AGPAT3: variants seen among roughly 807,000 people sequenced by gnomAD.
AGPAT3 encodes 1-acylglycerol-3-phosphate O-acyltransferase 3, also known as 1-acyl-sn-glycerol-3-phosphate acyltransferase gamma.
Under a neutral mutation model 47.3 loss-of-function variants are expected in AGPAT3, and 5 were observed. The ratio of observed to expected loss-of-function variants is 0.11; its 90% CI spans 0.06 to 0.22. The LOEUF is 0.22. Ranked by LOEUF, AGPAT3 falls within the 10% of genes least tolerant of loss-of-function variation. AGPAT3 has a pLI of 1.00. For missense variants in AGPAT3, 315 were observed against 493.0 expected, an observed-to-expected ratio of 0.64 and a Z score of 3.42; for synonymous variants, 212 against 208.3, an observed-to-expected ratio of 1.02 and a Z score of -0.15.
chr21:43,884,435 G>A (rs1214279960), intron 1 of AGPAT3, among the ~76,000 whole-genome samples: 1 of 152,130 alleles, frequency 6.6e-6, no homozygotes, highest in African/African-American at 2.4e-5. Flanking sequence ...GCGGAGCATG[G>A]CCCTTTCCTA....
chr21:43,923,636 T>A (rs556707087), intron 2 of AGPAT3, among the ~76,000 whole-genome samples: 10 of 152,292 alleles, frequency 6.6e-5, no homozygotes, highest in South Asian at 2.1e-4. Context: ...GTTTGAACAT[T>A]TGCCAGGACA....
chr21:43,958,954 T>C (rs1202314649), intron 2 of AGPAT3, among the ~76,000 whole-genome samples: 3 of 131,278 alleles, frequency 2.3e-5, no homozygotes, highest in Non-Finnish European at 4.8e-5. Context: ...GTGGCGTGTA[T>C]GTGGTTTTGC....
In AGPAT3 at chr21:43,952,608, C is replaced by G. The variant is rs2088252911; in HGVS notation, c.-48-7026C>G. Among the ~76,000 whole-genome samples, 1 of 152,220 alleles carries G rather than the reference C, an allele frequency of 6.6e-6. No individual in the cohort carries two copies. The highest frequency in any genetic ancestry group is 1.5e-5 in the Non-Finnish European group (1 of 68,030). On this transcript the variant is annotated intron_variant, in intron 2 of 9. Coordinates refer to ENST00000291572, the MANE Select transcript of AGPAT3 (RefSeq NM_020132.5). This position sits in a 1 kb window ranked among gnomAD's most constrained non-coding sequence, Gnocchi z 5.6. ...AACCCAAGAAGCAGCCATCACGCCCCAGGACCAAGATGTGCTGGCGCCAGG... is the reference window on the plus strand; with the variant it reads ...AACCCAAGAAGCAGCCATCACGCCCGAGGACCAAGATGTGCTGGCGCCAGG...
intron 2 of AGPAT3, among the ~76,000 whole-genome samples, chr21:43,951,151 C>A (rs890539902): frequency 2.6e-5 from 4 of 151,484 alleles, no homozygotes; most frequent in African/African-American, 7.4e-5. Context: ...TCCCGTGCCA[C>A]CACCTCGCAG....
Position 43,984,795 on chromosome 21 carries a change from T to C in AGPAT3, c.*2403T>C, listed in dbSNP as rs896968261. 1 of 194,056 alleles carries C rather than the reference T, an allele frequency of 5.2e-6. No individual in the cohort carries two copies. The highest frequency in any genetic ancestry group is 2.4e-5 in the African/African-American group (1 of 42,536). The allele number at this position is 194,056 out of a possible 1,614,324, so 12.0% of individuals were successfully genotyped here. A position where few individuals can be genotyped will look rare whatever the true frequency, so the allele number is the denominator to read the frequency against. On this transcript the variant is annotated 3_prime_UTR_variant, in exon 10 of 10. Coordinates refer to ENST00000291572, the MANE Select transcript of AGPAT3 (RefSeq NM_020132.5). The stretch of plus-strand genomic sequence containing the variant: ...ATTCATAAATCCCAGAACAGTCTTT[T>C]TTTTTTCTTTTTCCTTTACACCCTA...
chr21:43,874,548 T>G (rs1169240777), intron 1 of AGPAT3, among the ~76,000 whole-genome samples: 2 of 152,244 alleles, frequency 1.3e-5, no homozygotes, highest in Admixed American at 1.3e-4. Flanking sequence ...ATAGTCTGTA[T>G]AGCACTGAGT....
intron 1 of AGPAT3, among the ~76,000 whole-genome samples, chr21:43,870,030 C>T (rs887069412): frequency 2.0e-5 from 3 of 152,152 alleles, no homozygotes; most frequent in African/African-American, 7.2e-5. Context: ...TGATAATCCA[C>T]AAAAACAAAA....
chr21:43,911,369 T>C (rs757562882), intron 2 of AGPAT3, among the ~76,000 whole-genome samples: 5 of 151,972 alleles, frequency 3.3e-5, no homozygotes, highest in Admixed American at 1.3e-4. Flanking sequence ...GTTTGTGTGA[T>C]TTGGAAAGTG....
intron 2 of AGPAT3, among the ~76,000 whole-genome samples, chr21:43,948,739 T>C (rs1392095952): frequency 6.6e-6 from 1 of 152,266 alleles, no homozygotes; most frequent in Non-Finnish European, 1.5e-5. Context: ...TTTAATTTTG[T>C]ATTTTATTTA....
intron 1 of AGPAT3, among the ~76,000 whole-genome samples, chr21:43,903,526 C>T (rs2086406352): frequency 1.3e-5 from 2 of 152,198 alleles, no homozygotes. Context: ...AAGCCCAGGG[C>T]TGCGGCTGGC....
chr21:43,883,581 G>GT (rs1030356597), intron 1 of AGPAT3, among the ~76,000 whole-genome samples: 7 of 152,030 alleles, frequency 4.6e-5, no homozygotes, highest in Non-Finnish European at 1.0e-4. Context: ...TCAGTATTCC[G>GT]TTTTTTTGTT....
In AGPAT3 at chr21:43,895,536, T is replaced by A. The variant is rs540157007; in HGVS notation, c.-111-8421T>A. Among the ~76,000 whole-genome samples, 130 of 151,906 alleles carry A rather than the reference T, an allele frequency of 8.6e-4. No homozygotes were observed. In the Middle Eastern group the frequency reaches 0.014, roughly 16 times the overall value. ...TTTTTTTTTTTTTTTTTTTTACTATTTCATTCAACATATTTTTGAATTCCT... is the reference window on the plus strand; with the variant it reads ...TTTTTTTTTTTTTTTTTTTTACTATATCATTCAACATATTTTTGAATTCCT... On this transcript the variant is annotated intron_variant, in intron 1 of 9. Transcript: ENST00000291572.
intron 2 of AGPAT3, among the ~76,000 whole-genome samples, chr21:43,911,571 C>G (rs2086634491): frequency 6.6e-6 from 1 of 152,244 alleles, no homozygotes; most frequent in African/African-American, 2.4e-5. Flanking sequence ...CTCTTTCTTT[C>G]TGTCTGTCTG....
intron 2 of AGPAT3, among the ~76,000 whole-genome samples, chr21:43,938,048 C>T (rs897295395): frequency 1.3e-5 from 2 of 151,916 alleles, no homozygotes; most frequent in South Asian, 2.1e-4. Context: ...TTGCTGTTGT[C>T]TGGTGGGAGG....
Position 43,970,394 on chromosome 21 carries a change from C to T in AGPAT3, c.511-259C>T, listed in dbSNP as rs2089344284. ...CTCAGAGGCTGCTGCCCCAACACAC[C>T]TTCATGTTTCACTTCTTTCTGGAAA... is the stretch of plus-strand genomic sequence containing the variant. On this transcript the variant is annotated intron_variant, in intron 5 of 9. Transcript: ENST00000291572. The surrounding 1 kb of genome is among the most constrained non-coding windows in gnomAD (Gnocchi z 5.8). Among the ~76,000 whole-genome samples the T allele has an allele frequency of 6.6e-6, 1 of 152,208 alleles. No homozygotes were observed. Among genetic ancestry groups the T allele is most frequent in the African/African-American group, 2.4e-5 (1 of 41,452 alleles).
intron 2 of AGPAT3, among the ~76,000 whole-genome samples, chr21:43,942,882 C>T (rs565012062): frequency 1.2e-4 from 18 of 152,282 alleles, no homozygotes; most frequent in African/African-American, 3.4e-4. Flanking sequence ...TTCTGTCTCC[C>T]GTCACCTGTG....
chr21:43,947,692 CTT>C (rs534895749), intron 2 of AGPAT3, among the ~76,000 whole-genome samples: 25 of 142,016 alleles, frequency 1.8e-4, no homozygotes, highest in African/African-American at 4.1e-4. Context: ...CTTTTCTTTT[CTT>C]TTTTTTTTTT....
rs939539689 is a variant in AGPAT3, at chr21:43,908,583, G to A, written c.-49+4564G>A. 6.6e-6 allele frequency among the ~76,000 whole-genome samples: 1 copy of A among 152,168 alleles called. No homozygotes were observed. Among genetic ancestry groups the A allele is most frequent in the Non-Finnish European group, 1.5e-5 (1 of 68,022 alleles). On this transcript the variant is annotated intron_variant, in intron 2 of 9. Coordinates refer to ENST00000291572, the MANE Select transcript of AGPAT3 (RefSeq NM_020132.5). The surrounding 1 kb of genome is among the most constrained non-coding windows in gnomAD (Gnocchi z 4.9). ...GGCATGGGGTAGGGGGAGTGGAGCC[G>A]TGGGTGCGGCACTAGAAGGATGAGA...
At position 43,933,230 on chromosome 21, in the gene AGPAT3, G is replaced by A. The variant is rs73371168; in HGVS notation, c.-48-26404G>A. On this transcript the variant is annotated intron_variant, in intron 2 of 9. Coordinates refer to ENST00000291572, the MANE Select transcript of AGPAT3 (RefSeq NM_020132.5). The surrounding 1 kb of genome is among the most constrained non-coding windows in gnomAD (Gnocchi z 6.0). The stretch of plus-strand genomic sequence containing the variant: ...CTCCTTCTGAGGCACAGCCGTTCGG[G>A]TCCTTTGCTGTTTGCTTTCTTGCTA... 0.027 allele frequency among the ~76,000 whole-genome samples: 4,103 copies of A among 152,134 alleles called. 159 individuals carry two copies. The highest frequency in any genetic ancestry group is 0.078 in the African/African-American group (3,247 of 41,454).
Sources: allele counts gnomAD v4.1 joint callset (sites outside exome capture counted in the v4.1 genomes callset), GRCh38; gene constraint gnomAD v4.1.1; non-coding constraint Gnocchi (gnomAD v3.1); transcripts MANE v1.5; gene names NCBI Gene and HGNC (gene_info 2026-07-23, HGNC 2026-07-21).